LYPLAL1: variants seen among roughly 807,000 people sequenced by gnomAD.
LYPLAL1 encodes the protein lysophospholipase-like protein 1.
A neutral mutation model predicts 19.7 loss-of-function variants in LYPLAL1; 23 were observed. That is an observed-to-expected ratio of 1.17 (90% confidence interval 0.84 to 1.65). The LOEUF (loss-of-function observed/expected upper bound fraction) is 1.65. Among genes scored for constraint, LYPLAL1 ranks in the 40% most tolerant of loss-of-function variants. The pLI is 0.00. For missense variants in LYPLAL1, 355 were observed against 279.4 expected (o/e 1.27, Z -1.93); for synonymous variants, 119 against 96.3 (o/e 1.24, Z -1.38).
At chr1:219,362,163 C>A in the LYPLAL1 span, among the ~76,000 whole-genome samples, 278 of 152,230 alleles carry the variant, frequency 1.8e-3, no homozygotes, top group African/African-American at 6.3e-3. Flanking sequence ...CGAGGTAACC[C>A]AGCAAGGAAA....
the LYPLAL1 span, among the ~76,000 whole-genome samples, chr1:219,373,877 A>C: frequency 0.016 from 266 of 16,540 alleles, 2 homozygotes; most frequent in East Asian, 0.39. Flanking sequence ...AAAAAAAAAA[A>C]AAAACAAAAA....
chr1:219,367,150 A>G, the LYPLAL1 span, among the ~76,000 whole-genome samples: 9 of 152,220 alleles, frequency 5.9e-5, no homozygotes, highest in Admixed American at 4.6e-4. Flanking sequence ...AGTCTAGTAT[A>G]TCAACTTTGG....
intron 2 of LYPLAL1, among the ~76,000 whole-genome samples, chr1:219,187,120 A>G (rs1656791898): frequency 6.6e-6 from 1 of 151,414 alleles, no homozygotes; most frequent in Non-Finnish European, 1.5e-5. Context: ...GTCTGCATAC[A>G]TTGAAAACTG....
the LYPLAL1 span, among the ~76,000 whole-genome samples, chr1:219,257,942 C>A: frequency 6.6e-6 from 1 of 151,956 alleles, no homozygotes; most frequent in Non-Finnish European, 1.5e-5. Flanking sequence ...GACCTTGTCC[C>A]AGGAATGCAT....
chr1:219,337,333 T>C, the LYPLAL1 span, among the ~76,000 whole-genome samples: 1 of 152,058 alleles, frequency 6.6e-6, no homozygotes, highest in African/African-American at 2.4e-5. Context: ...CAAATTGATG[T>C]TAAATTATTC....
At chr1:219,250,046 C>T in the LYPLAL1 span, among the ~76,000 whole-genome samples, 1 of 151,792 alleles carries the variant, frequency 6.6e-6, no homozygotes, top group African/African-American at 2.4e-5. Context: ...TATTAATTTT[C>T]TTGTTTATGT....
At chr1:219,365,032 A>G in the LYPLAL1 span, among the ~76,000 whole-genome samples, 3 of 152,076 alleles carry the variant, frequency 2.0e-5, no homozygotes, top group African/African-American at 7.2e-5. Flanking sequence ...TTTTTTAATT[A>G]TTTTGTCATA....
intron 2 of LYPLAL1, 73 bp from the exon 3 acceptor site, chr1:219,193,009 T>C: frequency 2.9e-6 from 4 of 1,392,080 alleles, no homozygotes; most frequent in Non-Finnish European, 2.9e-6. Context: ...ACTATTATTT[T>C]GGTAATTAAA....
the LYPLAL1 span, among the ~76,000 whole-genome samples, chr1:219,266,558 A>G: frequency 6.6e-6 from 1 of 152,180 alleles, no homozygotes; most frequent in Non-Finnish European, 1.5e-5. Flanking sequence ...TAAAAAGTAT[A>G]GTGATAGTAA....
At chr1:219,295,761 C>A in the LYPLAL1 span, among the ~76,000 whole-genome samples, 1 of 152,178 alleles carries the variant, frequency 6.6e-6, no homozygotes, top group Non-Finnish European at 1.5e-5. Flanking sequence ...TTGCTCATCA[C>A]AAATCTGATC....
the LYPLAL1 span, among the ~76,000 whole-genome samples, chr1:219,241,142 A>C: frequency 3.0e-3 from 341 of 112,536 alleles, no homozygotes; most frequent in African/African-American, 6.9e-3. Context: ...CTCTATATAT[A>C]TATATATATA....
the LYPLAL1 span, among the ~76,000 whole-genome samples, chr1:219,350,451 C>T: frequency 6.6e-6 from 1 of 152,302 alleles, no homozygotes; most frequent in South Asian, 2.1e-4. Context: ...AGACCAAGGG[C>T]AGGAAATAAT....
chr1:219,373,457 G>A, the LYPLAL1 span, among the ~76,000 whole-genome samples: 2 of 152,060 alleles, frequency 1.3e-5, no homozygotes, highest in African/African-American at 4.8e-5. Context: ...GGGGTGTCTT[G>A]GTCTCTTCTG....
At chr1:219,190,414 GA>G (rs1263220978) in intron 2 of LYPLAL1, among the ~76,000 whole-genome samples, 1 of 151,296 alleles carries the variant, frequency 6.6e-6, no homozygotes, top group African/African-American at 2.4e-5. Context: ...AAATGAATTT[GA>G]ATCCTTAGGT....
Position 219,193,171 on chromosome 1 carries a change from T to C in LYPLAL1, c.281T>C (p.Ile94Thr). ...GACTGCCCAGAACACCTTGAATCAA[T>C]TGATGTCATGTGTCAAGTGCTTACT... ...TNDCPEHLES[I>T]DVMCQVLTDL... The change falls in exon 3 of 5, where the codon ATT (isoleucine) becomes ACT (threonine). Residue 94 changes from isoleucine to threonine, a missense_variant. Coordinates refer to ENST00000366928, the MANE Select transcript of LYPLAL1 (RefSeq NM_138794.5). The C allele has an allele frequency of 1.2e-6, 2 of 1,610,110 alleles. No homozygotes were observed. Among genetic ancestry groups the C allele is most frequent in the East Asian group, 2.2e-5 (1 of 44,684 alleles).
At chr1:219,201,107 T>C (rs1182872823) in intron 3 of LYPLAL1, among the ~76,000 whole-genome samples, 5 of 152,238 alleles carry the variant, frequency 3.3e-5, no homozygotes. Context: ...TTGATTAATA[T>C]GGTCTTGAAA....
At chr1:219,192,902 A>G (rs952236828) in intron 2 of LYPLAL1, among the ~76,000 whole-genome samples, 180 bp from the exon 3 acceptor site, 3 of 151,790 alleles carry the variant, frequency 2.0e-5, no homozygotes, top group African/African-American at 7.2e-5. Flanking sequence ...TGGATTAGAT[A>G]CAAGTATGGG....
the LYPLAL1 span, among the ~76,000 whole-genome samples, chr1:219,378,271 A>G: frequency 6.7e-6 from 1 of 148,780 alleles, no homozygotes; most frequent in Non-Finnish European, 1.5e-5. Context: ...GGGAAGCCTC[A>G]GAAAAGCTAC....
At chr1:219,314,726 C>G in the LYPLAL1 span, among the ~76,000 whole-genome samples, 1 of 152,192 alleles carries the variant, frequency 6.6e-6, no homozygotes, top group Non-Finnish European at 1.5e-5. Context: ...GCCACTGCGC[C>G]TGGCTGACAG....
Sources: allele counts gnomAD v4.1 joint callset (sites outside exome capture counted in the v4.1 genomes callset), GRCh38; gene constraint gnomAD v4.1.1; transcripts MANE v1.5; gene names NCBI Gene and HGNC (gene_info 2026-07-23, HGNC 2026-07-21).